The following TAS1R2 variants were observed in gnomAD, a reference collection of about 807,000 sequenced individuals.
The protein encoded by TAS1R2 is taste receptor type 1 member 2.
Under a neutral mutation model 49.3 loss-of-function variants are expected in TAS1R2, and 47 were observed. That is an observed-to-expected ratio of 0.95 (90% CI 0.75 to 1.22). The LOEUF (loss-of-function observed/expected upper bound fraction) is 1.22, where lower values mean the gene tolerates loss of function less well. Among genes scored for constraint, TAS1R2 ranks in the 50% most tolerant of loss-of-function variants. The pLI is 0.00. For missense variants in TAS1R2, 1,155 were observed against 1,122.1 expected (o/e 1.03, Z -0.42); for synonymous variants, 479 against 467.9 (o/e 1.02, Z -0.31).
intron 1 of TAS1R2, among the ~76,000 whole-genome samples, chr1:18,859,144 AGTC>A (rs1934195434): frequency 6.6e-6 from 1 of 152,138 alleles, no homozygotes; most frequent in Non-Finnish European, 1.5e-5. Context: ...ACCCATTGGG[AGTC>A]CCCCAGTTGC....
Position 18,857,324 on chromosome 1 carries a change from G to A in TAS1R2, c.483+7C>T. Reference sequence around the variant, plus strand: ...CCAGGTCCTTCTCCAGGGCCCAGGGGCCTCACCTGTGGAAGGAGAAATAGG... The same window carrying A: ...CCAGGTCCTTCTCCAGGGCCCAGGGACCTCACCTGTGGAAGGAGAAATAGG... On this transcript the variant is annotated splice_region_variant and intron_variant, in intron 2 of 5. Transcript: ENST00000375371. 1.2e-6 allele frequency: 2 copies of A among 1,612,144 alleles called. No homozygotes were observed. Among genetic ancestry groups the A allele is most frequent in the Non-Finnish European group, 8.5e-7 (1 of 1,178,288 alleles).
intron 3 of TAS1R2, among the ~76,000 whole-genome samples, chr1:18,850,020 C>G (rs1465787109): frequency 6.6e-6 from 1 of 152,182 alleles, no homozygotes; most frequent in Admixed American, 6.5e-5. Flanking sequence ...AGTCCACTGT[C>G]TCTGTCACCT....
At chr1:18,842,611 A>G (rs1933849161) in intron 4 of TAS1R2, among the ~76,000 whole-genome samples, 1 of 152,262 alleles carries the variant, frequency 6.6e-6, no homozygotes, top group African/African-American at 2.4e-5. Context: ...ACCCTTAAAT[A>G]ACAATAGGTC....
In TAS1R2 at chr1:18,854,609, C is replaced by G. The variant is rs1049098348; in HGVS notation, c.861G>C (p.Glu287Asp). The G allele has an allele frequency of 1.2e-6, 2 of 1,613,988 alleles. No homozygotes were observed. The highest frequency in any genetic ancestry group is 2.7e-5 in the African/African-American group (2 of 74,936). Residue 287 changes from glutamate (E) to aspartate (D), a missense_variant, in exon 3 of 6, where the codon GAG becomes GAC. Transcript: ENST00000375371. This position sits in a 1 kb window ranked among gnomAD's most constrained non-coding sequence, Gnocchi z 4.9. ...CGCCAGTGAAGTTCTGGCGCAGCACCTCATTGAAGAAGTGGTACAGGGTCA... is the reference window on the plus strand; with the variant it reads ...CGCCAGTGAAGTTCTGGCGCAGCACGTCATTGAAGAAGTGGTACAGGGTCA...
intron 4 of TAS1R2, among the ~76,000 whole-genome samples, chr1:18,845,322 C>A (rs1402660218): frequency 6.6e-6 from 1 of 152,166 alleles, no homozygotes; most frequent in Non-Finnish European, 1.5e-5. Flanking sequence ...ATCTTCAGGA[C>A]CCCCTGCAAG....
intron 4 of TAS1R2, among the ~76,000 whole-genome samples, chr1:18,847,402 A>AC (rs36105111): frequency 1.3e-5 from 2 of 151,436 alleles, no homozygotes; most frequent in South Asian, 2.1e-4. Context: ...ATACTTTGTG[A>AC]GGCAGGCCTA....
chr1:18,852,510 G>A (rs1169669008), intron 3 of TAS1R2, among the ~76,000 whole-genome samples: 1 of 152,186 alleles, frequency 6.6e-6, no homozygotes, highest in Admixed American at 6.5e-5. Context: ...CATAGGGTGG[G>A]CTGGGCTCCC....
At chr1:18,858,064 T>C (rs1258456123) in intron 1 of TAS1R2, among the ~76,000 whole-genome samples, 2 of 150,924 alleles carry the variant, frequency 1.3e-5, no homozygotes, top group African/African-American at 4.9e-5. Flanking sequence ...GTCACCACCA[T>C]CACTATCAGC....
Position 18,840,062 on chromosome 1 carries a change from G to A in TAS1R2, c.2057C>T (p.Thr686Met), listed in dbSNP as rs200190449. The change falls in exon 6 of 6, where the codon ACG becomes ATG. Residue 686 changes from threonine (T) to methionine (M), a missense_variant. Transcript: ENST00000375371. The stretch of plus-strand genomic sequence containing the variant: ...TACCACAATGACCATTTTGAGTACC[G>A]TGATAAATGCCATAGAGACGTAGGG... The A allele has an allele frequency of 8.5e-5, 138 of 1,614,228 alleles. 1 individual carries two copies. In the South Asian group the frequency reaches 1.2e-3, roughly 14 times the overall value.
intron 3 of TAS1R2, among the ~76,000 whole-genome samples, chr1:18,852,600 C>T (rs959457751): frequency 6.6e-6 from 1 of 152,164 alleles, no homozygotes; most frequent in Non-Finnish European, 1.5e-5. Context: ...GCTTGGAATG[C>T]TCTATGAACG....
chr1:18,846,547 G>A (rs2100511890), intron 4 of TAS1R2, among the ~76,000 whole-genome samples: 1 of 152,306 alleles, frequency 6.6e-6, no homozygotes, highest in South Asian at 2.1e-4. Context: ...ACAGTATATG[G>A]GCTGAACTAT....
At chr1:18,858,931 G>A (rs923326401) in intron 1 of TAS1R2, among the ~76,000 whole-genome samples, 7 of 152,128 alleles carry the variant, frequency 4.6e-5, no homozygotes, top group African/African-American at 9.7e-5. Context: ...TCCCAGGCTG[G>A]CTCCATGTCC....
At chr1:18,845,858 C>T (rs1361218097) in intron 4 of TAS1R2, among the ~76,000 whole-genome samples, 1 of 152,168 alleles carries the variant, frequency 6.6e-6, no homozygotes, top group African/African-American at 2.4e-5. Flanking sequence ...AGGCAAGTGA[C>T]TGAGAGCAGC....
intron 4 of TAS1R2, among the ~76,000 whole-genome samples, chr1:18,842,141 C>T (rs1363885940): frequency 6.6e-6 from 1 of 152,218 alleles, no homozygotes; most frequent in Admixed American, 6.5e-5. Context: ...CAGAGCTTAA[C>T]TGACATGGAA....
intron 2 of TAS1R2, 149 bp from the exon 3 acceptor site, chr1:18,855,135 TC>T: frequency 1.0e-6 from 1 of 979,080 alleles, no homozygotes; most frequent in Non-Finnish European, 1.5e-6. Context: ...ATCATCATGG[TC>T]CCCAGGTAGC....
At chr1:18,857,225 T>C (rs1934151188) in intron 2 of TAS1R2, 106 bp downstream of exon 2, 1 of 1,292,152 alleles carries the variant, frequency 7.7e-7, no homozygotes, top group East Asian at 2.5e-5. Context: ...CTTCTGGTCC[T>C]ATCATCACCT....
At chr1:18,844,852 A>G (rs111363860) in intron 4 of TAS1R2, among the ~76,000 whole-genome samples, 4 of 152,350 alleles carry the variant, frequency 2.6e-5, no homozygotes, top group African/African-American at 9.6e-5. Context: ...CAGAGTGGCC[A>G]TGATGTCAGG....
chr1:18,850,537 A>G (rs569073618), intron 3 of TAS1R2, among the ~76,000 whole-genome samples: 7 of 152,384 alleles, frequency 4.6e-5, no homozygotes, highest in Non-Finnish European at 7.3e-5. Flanking sequence ...AGGAGGCTCC[A>G]ACCAGGTGGT....
chr1:18,855,603 T>A (rs554608790), intron 2 of TAS1R2, among the ~76,000 whole-genome samples: 5 of 152,292 alleles, frequency 3.3e-5, no homozygotes, highest in African/African-American at 1.2e-4. Flanking sequence ...TCCAGCCTCA[T>A]GGCTTAATAT....
Sources: gnomAD v4.1 joint callset for allele counts (sites outside exome capture counted in the v4.1 genomes callset) on GRCh38, gnomAD v4.1.1 for gene constraint, Gnocchi (gnomAD v3.1) non-coding constraint, MANE v1.5 for transcripts, NCBI Gene and HGNC (gene_info 2026-07-23, HGNC 2026-07-21) for gene names.